Variants in MAP1B observed in about 807,000 individuals in gnomAD.
The protein encoded by MAP1B is microtubule associated protein 1B.
A neutral mutation model predicts 176.1 loss-of-function variants in MAP1B; 12 were observed. The ratio of observed to expected loss-of-function variants is 0.07; its 90% CI spans 0.04 to 0.11. The LOEUF is 0.11. Among genes scored for constraint, MAP1B ranks in the 10% least tolerant of loss-of-function variants. The pLI, the probability that MAP1B is intolerant of heterozygous loss-of-function variation, is 1.00. For missense variants in MAP1B, 2,523 were observed against 2,990.5 expected (o/e 0.84, Z 3.65); for synonymous variants, 1,044 against 1,135.0 (o/e 0.92, Z 1.61).
intron 2 of MAP1B, among the ~76,000 whole-genome samples, chr5:72,144,788 G>T (rs1746015908): frequency 6.6e-6 from 1 of 152,178 alleles, no homozygotes; most frequent in Admixed American, 6.5e-5. Flanking sequence ...TTTTTAGAGT[G>T]TTGGGGAGAA....
intron 1 of MAP1B, 113 bp downstream of exon 1, chr5:72,107,828 C>T (rs1745135292): frequency 2.9e-6 from 3 of 1,029,230 alleles, no homozygotes; most frequent in Admixed American, 4.3e-5. Context: ...CATGCCTCTC[C>T]TCGTCACCTC....
chr5:72,108,524 C>T (rs1265510511), intron 1 of MAP1B, among the ~76,000 whole-genome samples: 1 of 152,222 alleles, frequency 6.6e-6, no homozygotes, highest in African/African-American at 2.4e-5. Flanking sequence ...TCGCCCGGTG[C>T]TCGCACCAGT....
chr5:72,148,641 G>A lies in MAP1B; in HGVS notation c.286+32842G>A, dbSNP rs147081619. Among the ~76,000 whole-genome samples the A allele has an allele frequency of 2.6e-4, 40 of 152,330 alleles. No homozygotes were observed. In the East Asian group the frequency reaches 7.1e-3, roughly 27 times the overall value. Reference sequence around the variant, plus strand: ...ACTTGGAGAGCCACTGCCCTAGGACGTGGATCCACTTGCCACGCACCGAGG... The same window carrying A: ...ACTTGGAGAGCCACTGCCCTAGGACATGGATCCACTTGCCACGCACCGAGG... On this transcript the variant is annotated intron_variant, in intron 2 of 6. Coordinates refer to ENST00000296755, the MANE Select transcript of MAP1B (RefSeq NM_005909.5).
At chr5:72,115,878 C>A in intron 2 of MAP1B, 79 bp downstream of exon 2, 2 of 954,164 alleles carry the variant, frequency 2.1e-6, no homozygotes, top group Admixed American at 1.8e-5. Flanking sequence ...TCTGAGGCAG[C>A]AAAAAGACTC....
chr5:72,135,507 G>A (rs1745823185), intron 2 of MAP1B, among the ~76,000 whole-genome samples: 1 of 152,192 alleles, frequency 6.6e-6, no homozygotes, highest in African/African-American at 2.4e-5. Context: ...AGACCCAGTA[G>A]CTATGAGATT....
In MAP1B at chr5:72,197,852, T is replaced by C. The variant is rs1450272495; in HGVS notation, c.4497T>C (p.Asp1499=). 6.2e-7 allele frequency: 1 copy of C among 1,614,096 alleles called. No homozygotes were observed. The highest frequency in any genetic ancestry group is 8.5e-7 in the Non-Finnish European group (1 of 1,180,042). Residue 1499 remains aspartate (D), a synonymous_variant, in exon 5 of 7, where the codon GAT becomes GAC. Transcript: ENST00000296755. ...ALALDERKLG[D]VSPTQIDVSQ... Reference sequence around the variant, plus strand: ...CTCTGGATGAAAGGAAATTAGGAGATGTTTCTCCCACACAAATAGATGTCA... The same window carrying C: ...CTCTGGATGAAAGGAAATTAGGAGACGTTTCTCCCACACAAATAGATGTCA...
chr5:72,121,912 G>T (rs1745536561), intron 2 of MAP1B, among the ~76,000 whole-genome samples: 1 of 152,166 alleles, frequency 6.6e-6, no homozygotes, highest in Admixed American at 6.5e-5. Flanking sequence ...CACCCTCAGG[G>T]AACCTGCAAT....
intron 2 of MAP1B, among the ~76,000 whole-genome samples, chr5:72,130,458 T>C (rs1745711232): frequency 6.6e-6 from 1 of 152,228 alleles, no homozygotes; most frequent in African/African-American, 2.4e-5. Flanking sequence ...GTCATAGGCT[T>C]GAGAAACTAA....
In MAP1B at chr5:72,205,326, A is replaced by T; in HGVS notation, c.*87A>T. The T allele has an allele frequency of 7.2e-7, 1 of 1,384,740 alleles. No homozygotes were observed. Among genetic ancestry groups the T allele is most frequent in the Non-Finnish European group, 1.0e-6 (1 of 1,000,232 alleles). The allele number at this position is 1,384,740 out of a possible 1,614,324, so 85.8% of individuals were successfully genotyped here. A position where few individuals can be genotyped will look rare whatever the true frequency, so the allele number is the denominator to read the frequency against. On this transcript the variant is annotated 3_prime_UTR_variant, in exon 7 of 7. Transcript: ENST00000296755. The stretch of plus-strand genomic sequence containing the variant: ...ATCACCTTTTCTAAAAAGTCAATTC[A>T]TCTAGTTAAGTCGCTGAACAATTAC...
intron 2 of MAP1B, among the ~76,000 whole-genome samples, chr5:72,173,119 A>G (rs1485785714): frequency 6.6e-6 from 1 of 152,170 alleles, no homozygotes; most frequent in East Asian, 1.9e-4. Flanking sequence ...TGGCTTCCTC[A>G]TAGCATTAAT....
Position 72,196,533 on chromosome 5 carries a change from G to A in MAP1B, c.3178G>A (p.Glu1060Lys). The A allele has an allele frequency of 1.2e-6, 2 of 1,613,804 alleles. No homozygotes were observed. The highest frequency in any genetic ancestry group is 1.1e-5 in the South Asian group (1 of 91,076). Residue 1060 changes from glutamate (E) to lysine (K), a missense_variant, in exon 5 of 7, where the codon GAG (glutamate) becomes AAG (lysine). By Grantham distance (56) the Glu-to-Lys change is moderately conservative. Around this residue, in one of 4 missense-constraint regions of MAP1B, gnomAD observed 1,925 missense variants for 2,126.0 expected, o/e 0.91. Coordinates refer to ENST00000296755, the MANE Select transcript of MAP1B (RefSeq NM_005909.5). This position sits in a 1 kb window ranked among gnomAD's most constrained non-coding sequence, Gnocchi z 5.3. ...GGCTGCAGAGGCTGGTGGTGCCGAG[G>A]AGCAGTATGGATTCCTCACCACACC... Reference protein sequence around the residue: ...DKAAEAGGAEEQYGFLTTPTK... With the variant: ...DKAAEAGGAEKQYGFLTTPTK...
intron 5 of MAP1B, among the ~76,000 whole-genome samples, chr5:72,202,609 G>C (rs920460608): frequency 6.6e-6 from 1 of 152,116 alleles, no homozygotes; most frequent in African/African-American, 2.4e-5. Flanking sequence ...ATCGCCTGGG[G>C]TGCTTTTAAA....
chr5:72,178,488 A>AG (rs1268760347), intron 2 of MAP1B, among the ~76,000 whole-genome samples: 2 of 152,332 alleles, frequency 1.3e-5, no homozygotes, highest in African/African-American at 4.8e-5. Flanking sequence ...AGTAGTTGGT[A>AG]GGTGAAGAGA....
Position 72,204,815 on chromosome 5 carries a change from C to A in MAP1B, c.7252-269C>A, listed in dbSNP as rs1457957918. On this transcript the variant is annotated intron_variant, in intron 6 of 6. Transcript: ENST00000296755. The surrounding 1 kb of genome is among the most constrained non-coding windows in gnomAD (Gnocchi z 4.4). ...AAATTGTACCCTAACGGAAGCACTT[C>A]TCTTAACAGTAAAGAACTGAGAAAC... 1.3e-5 allele frequency among the ~76,000 whole-genome samples: 2 copies of A among 152,216 alleles called. No individual in the cohort carries two copies. The highest frequency in any genetic ancestry group is 2.9e-5 in the Non-Finnish European group (2 of 68,038).
intron 4 of MAP1B, among the ~76,000 whole-genome samples, chr5:72,190,538 A>C (rs1459960549): frequency 1.3e-5 from 2 of 152,184 alleles, no homozygotes; most frequent in African/African-American, 4.8e-5. Context: ...CATCATCCCA[A>C]TGTCAAGAGC....
At chr5:72,179,327 G>GT (rs1746718295) in intron 2 of MAP1B, among the ~76,000 whole-genome samples, 1 of 152,236 alleles carries the variant, frequency 6.6e-6, no homozygotes, top group Admixed American at 6.5e-5. Flanking sequence ...GGGTTTCCCT[G>GT]TGAGGTGTCG....
chr5:72,166,614 G>C (rs1344764734), intron 2 of MAP1B, among the ~76,000 whole-genome samples: 3 of 152,162 alleles, frequency 2.0e-5, no homozygotes, highest in African/African-American at 7.2e-5. Context: ...TCTGCAGCCA[G>C]CAAGACCTGG....
intron 2 of MAP1B, among the ~76,000 whole-genome samples, chr5:72,160,363 T>G (rs1423041110): frequency 6.6e-6 from 1 of 152,254 alleles, no homozygotes; most frequent in East Asian, 1.9e-4. Context: ...GAGCCTGTAT[T>G]TATTTTGCCA....
intron 2 of MAP1B, among the ~76,000 whole-genome samples, chr5:72,150,364 C>T (rs1415283095): frequency 6.6e-6 from 1 of 152,222 alleles, no homozygotes; most frequent in Non-Finnish European, 1.5e-5. Context: ...TTAAGCATCA[C>T]CGACTGGCTG....
Sources: gnomAD v4.1 joint callset for allele counts (sites outside exome capture counted in the v4.1 genomes callset) on GRCh38, gnomAD v4.1.1 for gene constraint, gnomAD v4.1.1 regional missense constraint, Gnocchi (gnomAD v3.1) non-coding constraint, MANE v1.5 for transcripts, NCBI Gene and HGNC (gene_info 2026-07-23, HGNC 2026-07-21) for gene names.